The following ROBO2 variants were observed in gnomAD, a reference collection of about 807,000 sequenced individuals.
ROBO2 encodes the protein roundabout guidance receptor 2, also known as roundabout homolog 2.
Under a neutral mutation model 160.8 loss-of-function variants are expected in ROBO2, and 53 were observed. That is an observed-to-expected ratio of 0.33 (90% CI 0.26 to 0.41). The LOEUF (loss-of-function observed/expected upper bound fraction) is 0.41. Among genes scored for constraint, ROBO2 ranks in the 10% least tolerant of loss-of-function variants. ROBO2 has a pLI of 1.00. For synonymous variants in ROBO2, 664 were observed against 611.7 expected, an observed-to-expected ratio of 1.09 and a Z score of -1.26; for missense variants, 1,577 against 1,722.4, an observed-to-expected ratio of 0.92 and a Z score of 1.49.
intron 2 of ROBO2, among the ~76,000 whole-genome samples, chr3:77,453,829 C>T (rs980956967): frequency 2.0e-5 from 3 of 152,054 alleles, no homozygotes; most frequent in Non-Finnish European, 2.9e-5. Flanking sequence ...TAATTTTTAT[C>T]AATTGACTGC....
chr3:77,292,022 A>C (rs2061346293), intron 2 of ROBO2, among the ~76,000 whole-genome samples: 1 of 151,632 alleles, frequency 6.6e-6, no homozygotes. Context: ...AGATCACCCC[A>C]GAAATAAAGT....
chr3:76,474,543 C>T (rs1437689368), intron 2 of ROBO2, among the ~76,000 whole-genome samples: 1 of 152,068 alleles, frequency 6.6e-6, no homozygotes, highest in African/African-American at 2.4e-5. Flanking sequence ...TGCCTCTTCT[C>T]AAGGAGCATA....
intron 2 of ROBO2, among the ~76,000 whole-genome samples, chr3:76,981,657 A>G (rs2149329501): frequency 6.6e-6 from 1 of 152,318 alleles, no homozygotes. Flanking sequence ...ATTGCTATAA[A>G]GAAATACCTA....
At chr3:76,805,947 T>C (rs942114548) in intron 2 of ROBO2, among the ~76,000 whole-genome samples, 1 of 151,968 alleles carries the variant, frequency 6.6e-6, no homozygotes, top group Admixed American at 6.6e-5. Context: ...TTGTTTCTCT[T>C]GTACTAAGAT....
At chr3:76,949,293 G>C (rs1452066363) in intron 2 of ROBO2, among the ~76,000 whole-genome samples, 1 of 151,968 alleles carries the variant, frequency 6.6e-6, no homozygotes, top group East Asian at 1.9e-4. Flanking sequence ...GCAAGTTGTA[G>C]GAATGAGTTT....
At chr3:77,564,989 A>G in exon 12 of ROBO2, 2 of 1,613,586 alleles carry the variant, frequency 1.2e-6, no homozygotes, top group African/African-American at 1.3e-5. Context: ...ACCGTGGCAA[A>G]CCATGTAAAG....
At chr3:76,539,528 G>A (rs975428554) in intron 2 of ROBO2, among the ~76,000 whole-genome samples, 3 of 152,044 alleles carry the variant, frequency 2.0e-5, no homozygotes, top group African/African-American at 7.3e-5. Flanking sequence ...TCCTGTTTAA[G>A]TAGCAAAGTA....
At chr3:77,003,837 G>C (rs538332091) in intron 2 of ROBO2, among the ~76,000 whole-genome samples, 1 of 152,074 alleles carries the variant, frequency 6.6e-6, no homozygotes, top group African/African-American at 2.4e-5. Flanking sequence ...GAGCCACCAC[G>C]CCCAGCCGAC....
At chr3:76,829,868 A>T (rs1409669703) in intron 2 of ROBO2, among the ~76,000 whole-genome samples, 2 of 152,040 alleles carry the variant, frequency 1.3e-5, no homozygotes, top group African/African-American at 2.4e-5. Context: ...GGGTTTCACC[A>T]TGTTGACCAG....
chr3:75,932,611 A>C (rs529853871), intron 1 of ROBO2, among the ~76,000 whole-genome samples: 351 of 152,298 alleles, frequency 2.3e-3, no homozygotes, highest in Non-Finnish European at 3.9e-3. Context: ...GGGAGGGAGA[A>C]GTGCGTGTTA....
chr3:76,393,693 G>A lies in ROBO2; in HGVS notation c.109+456091G>A, dbSNP rs2077272236. Among the ~76,000 whole-genome samples, 3 of 152,126 alleles carry A rather than the reference G, an allele frequency of 2.0e-5. No homozygotes were observed. The South Asian group carries it at 6.2e-4, about 31-fold the overall frequency. On this transcript the variant is annotated intron_variant, in intron 2 of 26. Transcript: ENST00000487694. ...AGGAAAAATTACCCAGAAACCACAT[G>A]GCCTGAGAAAGTGAAGCTGGGAGTG... is the stretch of plus-strand genomic sequence containing the variant.
At chr3:77,499,696 T>G (rs1166963572) in intron 5 of ROBO2, among the ~76,000 whole-genome samples, 3 of 150,502 alleles carry the variant, frequency 2.0e-5, no homozygotes, top group Admixed American at 6.6e-5. Flanking sequence ...TCACCCATGC[T>G]GGAGTGCAGT....
At chr3:76,257,054 C>G (rs148573389) in intron 2 of ROBO2, among the ~76,000 whole-genome samples, 1 of 152,000 alleles carries the variant, frequency 6.6e-6, no homozygotes, top group Admixed American at 6.6e-5. Flanking sequence ...GCCCAGCCCC[C>G]ACCTCTAACA....
chr3:77,066,742 A>G (rs550639186), intron 1 of ROBO2, among the ~76,000 whole-genome samples: 2 of 152,216 alleles, frequency 1.3e-5, no homozygotes, highest in South Asian at 4.1e-4. Context: ...CAAGTAGGCA[A>G]TCTAAAGAAT....
intron 2 of ROBO2, among the ~76,000 whole-genome samples, chr3:76,087,399 A>C (rs2108069277): frequency 1.3e-5 from 2 of 152,184 alleles, no homozygotes; most frequent in African/African-American, 4.8e-5. Context: ...AAAACTCACC[A>C]AGCTAGAATT....
At chr3:76,416,819 A>T (rs2075776512) in intron 2 of ROBO2, among the ~76,000 whole-genome samples, 1 of 152,154 alleles carries the variant, frequency 6.6e-6, no homozygotes, top group South Asian at 2.1e-4. Flanking sequence ...GTTTGCTTTG[A>T]TGGGAATCTC....
intron 2 of ROBO2, among the ~76,000 whole-genome samples, chr3:76,399,678 A>C (rs748826556): frequency 2.4e-4 from 36 of 151,794 alleles, no homozygotes; most frequent in Non-Finnish European, 4.6e-4. Context: ...AACATTAAGC[A>C]TCAGGAAGTA....
At chr3:77,188,432 CT>C (rs2081485639) in intron 2 of ROBO2, among the ~76,000 whole-genome samples, 1 of 151,796 alleles carries the variant, frequency 6.6e-6, no homozygotes, top group Non-Finnish European at 1.5e-5. Context: ...CTGACACCTG[CT>C]TCTCATCAGT....
At chr3:76,697,188 C>A (rs1030669196) in intron 2 of ROBO2, among the ~76,000 whole-genome samples, 2 of 152,072 alleles carry the variant, frequency 1.3e-5, no homozygotes, top group African/African-American at 4.8e-5. Context: ...AGCAATATAA[C>A]CATGGAAGAG....
Sources: gnomAD v4.1 joint callset for allele counts (sites outside exome capture counted in the v4.1 genomes callset) on GRCh38, gnomAD v4.1.1 for gene constraint, MANE v1.5 for transcripts, NCBI Gene and HGNC (gene_info 2026-07-23, HGNC 2026-07-21) for gene names.